The following TRAPPC11 variants were observed in gnomAD, a reference collection of about 807,000 sequenced individuals.
TRAPPC11 encodes the protein foie gras homolog.
TRAPPC11 carries 104 observed loss-of-function variants against 151.2 expected under a neutral mutation model. The ratio of observed to expected loss-of-function variants is 0.69; its 90% CI spans 0.59 to 0.81. TRAPPC11 has a LOEUF of 0.81. Among genes scored for constraint, TRAPPC11 ranks in the 30% least tolerant of loss-of-function variants. The pLI is 0.00. For missense variants in TRAPPC11, 1,230 were observed against 1,349.6 expected, an observed-to-expected ratio of 0.91 and a Z score of 1.39; for synonymous variants, 456 against 472.3, an observed-to-expected ratio of 0.97 and a Z score of 0.45.
At chr4:183,687,809 A>G (rs1736057382) in intron 18 of TRAPPC11, among the ~76,000 whole-genome samples, 1 of 152,228 alleles carries the variant, frequency 6.6e-6, no homozygotes, top group African/African-American at 2.4e-5. Context: ...GATGGATATA[A>G]TGTGAAAAGT....
intron 11 of TRAPPC11, among the ~76,000 whole-genome samples, chr4:183,683,639 C>G (rs1050829097): frequency 6.6e-6 from 1 of 152,106 alleles, no homozygotes; most frequent in East Asian, 1.9e-4. Flanking sequence ...CCAGCCTGGG[C>G]AACAGAGTGA....
chr4:183,684,942 T>A, intron 15 of TRAPPC11, 101 bp downstream of exon 15: 1 of 1,292,264 alleles, frequency 7.7e-7, no homozygotes. Flanking sequence ...AGATAATTAG[T>A]ATACTTTACT....
intron 2 of TRAPPC11, 149 bp downstream of exon 2, chr4:183,664,220 A>G (rs1734724343): frequency 3.3e-6 from 2 of 611,290 alleles, no homozygotes; most frequent in South Asian, 2.2e-5. Context: ...CATGTAATAC[A>G]CTGCATGTAT....
At chr4:183,674,357 G>A (rs1367675576) in intron 5 of TRAPPC11, among the ~76,000 whole-genome samples, 2 of 147,836 alleles carry the variant, frequency 1.4e-5, no homozygotes, top group East Asian at 4.0e-4. Context: ...AGTGGAAGTT[G>A]CAGTGAACCA....
At position 183,661,912 on chromosome 4, in the gene TRAPPC11, C is replaced by G. The variant is rs80174931; in HGVS notation, c.-21-1935C>G. ...AAGTGGCTGGGACTACAAGTGAGCA[C>G]CACCATGCCCGGCTATTTTCTTTTT... On this transcript the variant is annotated intron_variant, in intron 1 of 29. Transcript: ENST00000334690. Among the ~76,000 whole-genome samples, 1,515 of 151,914 alleles carry G rather than the reference C, an allele frequency of 1.0e-2. 22 individuals carry two copies. The highest frequency in any genetic ancestry group is 0.035 in the African/African-American group (1,449 of 41,420).
intron 25 of TRAPPC11, chr4:183,701,169 T>G (rs1736782542): frequency 6.5e-6 from 1 of 153,132 alleles, no homozygotes; most frequent in South Asian, 2.1e-4. Flanking sequence ...GAATAACCTT[T>G]GCGTGTCATG....
rs754967414 is a variant in TRAPPC11, at chr4:183,674,807, C to T, written c.655C>T (p.His219Tyr). The T allele has an allele frequency of 6.4e-7, 1 of 1,572,564 alleles. No homozygotes were observed. Among genetic ancestry groups the T allele is most frequent in the African/African-American group, 1.4e-5 (1 of 72,712 alleles). ...SHKEFLNKTT[H>Y]QLLFVRHQFK... ...TAAAGAATTTTTGAATAAAACAACACACCAGGTGCGTGATTTTTTGCAATA... is the reference window on the plus strand; with the variant it reads ...TAAAGAATTTTTGAATAAAACAACATACCAGGTGCGTGATTTTTTGCAATA... The change falls in exon 6 of 30, where the codon CAC (histidine) becomes TAC (tyrosine). Residue 219 changes from histidine to tyrosine, a missense_variant. Transcript: ENST00000334690.
Position 183,664,009 on chromosome 4 carries a change from C to G in TRAPPC11, c.142C>G (p.Arg48Gly), listed in dbSNP as rs150331292. 6.4e-5 allele frequency: 103 copies of G among 1,613,742 alleles called. No individual in the cohort carries two copies. The highest frequency in any genetic ancestry group is 8.6e-5 in the Non-Finnish European group (102 of 1,180,016). ...CTTCTGTGCAAATCGGAGAGCTGAT[C>G]GAGTACCAATTTCTTTCAAGGTGCT... The part of the protein sequence containing the change: ...DAFCANRRAD[R>G]VPISFKVLPG... The change falls in exon 2 of 30, where the codon CGA becomes GGA. Residue 48 changes from arginine to glycine, a missense_variant. By Grantham distance (125) the Arg-to-Gly change is moderately radical (BLOSUM62 -2). Transcript: ENST00000334690.
chr4:183,688,386 T>A (rs374751828), intron 18 of TRAPPC11, among the ~76,000 whole-genome samples: 43 of 152,300 alleles, frequency 2.8e-4, no homozygotes, highest in African/African-American at 1.0e-3. Flanking sequence ...AATCTGTGTT[T>A]CTGGGAAAGT....
At chr4:183,694,181 T>C in intron 22 of TRAPPC11, 143 bp downstream of exon 22, 2 of 877,150 alleles carry the variant, frequency 2.3e-6, no homozygotes, top group Non-Finnish European at 3.4e-6. Flanking sequence ...TTCATACACA[T>C]TTTACATACG....
chr4:183,708,583 T>G lies in TRAPPC11; in HGVS notation c.3357+9T>G. On this transcript the variant is annotated intron_variant, in intron 29 of 29. Transcript: ENST00000334690. ...CCAGTATTTTTGTCAAGGTAAAGCT[T>G]AGCAATTTTCTGCTTTTTAAATTCA... 4 of 1,608,098 alleles carry G rather than the reference T, an allele frequency of 2.5e-6. No individual in the cohort carries two copies. Among genetic ancestry groups the G allele is most frequent in the Non-Finnish European group, 3.4e-6 (4 of 1,178,548 alleles).
intron 29 of TRAPPC11, among the ~76,000 whole-genome samples, chr4:183,709,790 C>T (rs149791683): frequency 6.6e-6 from 1 of 151,954 alleles, no homozygotes; most frequent in East Asian, 1.9e-4. Flanking sequence ...AAATAAATAA[C>T]TTGTAAAAGA....
rs1735911565 is a variant in TRAPPC11, at chr4:183,685,333, G to A, written c.1692G>A (p.Leu564=). Residue 564 remains leucine, a synonymous_variant, in exon 17 of 30, where the codon CTG becomes CTA. Coordinates refer to ENST00000334690, the MANE Select transcript of TRAPPC11 (RefSeq NM_021942.6). The part of the protein sequence containing the change: ...DILAVKTAQK[L]WADRISLAGS... The stretch of plus-strand genomic sequence containing the variant: ...TAGCTGTGAAAACTGCTCAGAAGCT[G>A]TGGGCAGACCGAATTTCTCTGGCTG... The A allele has an allele frequency of 6.2e-7, 1 of 1,614,038 alleles. No homozygotes were observed. The highest frequency in any genetic ancestry group is 1.3e-5 in the African/African-American group (1 of 74,936).
Position 183,682,814 on chromosome 4 carries a change from A to G in TRAPPC11, c.1196A>G (p.Gln399Arg). Residue 399 changes from glutamine (Q) to arginine (R), a missense_variant, in exon 11 of 30, where the codon CAA (glutamine) becomes CGA (arginine). By Grantham distance (43) the Gln-to-Arg change is conservative. Coordinates refer to ENST00000334690, the MANE Select transcript of TRAPPC11 (RefSeq NM_021942.6). ...TTTTATGGACAAAGATCATGGCGAC[A>G]AGGAATACTAAGTAAATAATTTTTC... ...LDFYGQRSWR[Q>R]GILSFDLSDP... 6.2e-7 allele frequency: 1 copy of G among 1,610,248 alleles called. No individual in the cohort carries two copies. The highest frequency in any genetic ancestry group is 1.1e-5 in the South Asian group (1 of 90,946).
intron 8 of TRAPPC11, among the ~76,000 whole-genome samples, chr4:183,678,053 C>T (rs1735500218): frequency 6.6e-6 from 1 of 151,932 alleles, no homozygotes; most frequent in African/African-American, 2.4e-5. Context: ...ATTCTTCTGC[C>T]TCAGCCTTCT....
chr4:183,662,681 G>A (rs1209550117), intron 1 of TRAPPC11, among the ~76,000 whole-genome samples: 1 of 152,082 alleles, frequency 6.6e-6, no homozygotes, highest in Non-Finnish European at 1.5e-5. Flanking sequence ...TAGGTATTCA[G>A]AAATTCAATA....
rs189305569 is a variant in TRAPPC11 at position 183,694,064 on chromosome 4, G to A, written c.2508+26G>A. 4.5e-4 allele frequency: 731 copies of A among 1,608,602 alleles called. 1 individual carries two copies. The highest frequency in any genetic ancestry group is 1.2e-3 in the Admixed American group (70 of 59,660). On this transcript the variant is annotated intron_variant, in intron 22 of 29. Coordinates refer to ENST00000334690, the MANE Select transcript of TRAPPC11 (RefSeq NM_021942.6). ...GTAAACTTGGTCAACTGGGATTGAAGAGGAAATCAATTAGTTTGTAGTTTT... is the reference window on the plus strand; with the variant it reads ...GTAAACTTGGTCAACTGGGATTGAAAAGGAAATCAATTAGTTTGTAGTTTT...
At chr4:183,705,783 G>A (rs1737025842) in intron 27 of TRAPPC11, 1 of 152,264 alleles carries the variant, frequency 6.6e-6, no homozygotes, top group African/African-American at 2.4e-5. Flanking sequence ...TTTTTGGCAA[G>A]AATACTTCAT....
intron 5 of TRAPPC11, among the ~76,000 whole-genome samples, chr4:183,672,417 G>A (rs1735198696): frequency 6.6e-6 from 1 of 152,152 alleles, no homozygotes; most frequent in African/African-American, 2.4e-5. Flanking sequence ...AATGTTTGGT[G>A]TTGCCTTAAA....
Sources: gnomAD v4.1 joint callset for allele counts (sites outside exome capture counted in the v4.1 genomes callset) on GRCh38, gnomAD v4.1.1 for gene constraint, MANE v1.5 for transcripts, NCBI Gene and HGNC (gene_info 2026-07-23, HGNC 2026-07-21) for gene names.